PCDHAC2: variants seen among roughly 807,000 people sequenced by gnomAD.
The protein encoded by PCDHAC2 is protocadherin alpha subfamily C, 2.
PCDHAC2 carries 24 observed loss-of-function variants against 63.3 expected under a neutral mutation model. That is an observed-to-expected ratio of 0.38 (90% CI 0.27 to 0.53). PCDHAC2 has a LOEUF of 0.53. Among genes scored for constraint, PCDHAC2 ranks in the 20% least tolerant of loss-of-function variants. The pLI, the probability that PCDHAC2 is intolerant of heterozygous loss-of-function variation, is 0.81. For synonymous variants in PCDHAC2, 569 were observed against 529.4 expected (o/e 1.07, Z -1.03); for missense variants, 1,181 against 1,275.2 (o/e 0.93, Z 1.12).
At chr5:140,980,409 A>C (rs782265012) in intron 2 of PCDHAC2, among the ~76,000 whole-genome samples, 3 of 152,188 alleles carry the variant, frequency 2.0e-5, no homozygotes, top group Non-Finnish European at 4.4e-5. Flanking sequence ...AGGTGGGCAG[A>C]TCATGAGGTC....
intron 3 of PCDHAC2, among the ~76,000 whole-genome samples, chr5:141,000,552 C>T (rs2097946627): frequency 1.3e-5 from 2 of 149,102 alleles, no homozygotes; most frequent in Admixed American, 1.3e-4. Context: ...CTCAAACTCC[C>T]GAGTAGCTGG....
intron 1 of PCDHAC2, among the ~76,000 whole-genome samples, chr5:140,971,478 A>C (rs111781444): frequency 3.5e-4 from 53 of 152,260 alleles, no homozygotes; most frequent in African/African-American, 1.3e-3. Flanking sequence ...AGAGAGTGTC[A>C]CATTGTTACA....
In PCDHAC2 at chr5:140,982,461, G is replaced by A. The variant is rs765899879; in HGVS notation, c.2625-14G>A. The A allele has an allele frequency of 4.7e-5, 76 of 1,614,088 alleles. No individual in the cohort carries two copies. The highest frequency in any genetic ancestry group is 5.8e-5 in the Non-Finnish European group (68 of 1,180,014). On this transcript the variant is annotated splice_polypyrimidine_tract_variant and intron_variant, in intron 2 of 3. Coordinates refer to ENST00000289269, the MANE Select transcript of PCDHAC2 (RefSeq NM_018899.6). ...TATGATCTAACCGTTATCTGGGTCTGTGTGTTTATTCAGCTCTGTGCACCT... is the reference window on the plus strand; with the variant it reads ...TATGATCTAACCGTTATCTGGGTCTATGTGTTTATTCAGCTCTGTGCACCT...
chr5:140,981,625 C>T (rs1554243036), intron 2 of PCDHAC2, among the ~76,000 whole-genome samples: 2 of 152,096 alleles, frequency 1.3e-5, no homozygotes, highest in Non-Finnish European at 2.9e-5. Context: ...TGAGGGTTTT[C>T]TTGGACATTT....
At chr5:141,002,956 G>C (rs782632089) in intron 3 of PCDHAC2, among the ~76,000 whole-genome samples, 6 of 152,230 alleles carry the variant, frequency 3.9e-5, no homozygotes, top group Non-Finnish European at 7.3e-5. Context: ...GCCCCTCTGA[G>C]AGCTTTCCTG....
chr5:140,989,681 A>C (rs1428237884), intron 3 of PCDHAC2, among the ~76,000 whole-genome samples: 1 of 152,250 alleles, frequency 6.6e-6, no homozygotes, highest in Non-Finnish European at 1.5e-5. Flanking sequence ...CAGATTTCAA[A>C]GGAACGTGAA....
chr5:140,982,985 A>C (rs2097019022), intron 3 of PCDHAC2, among the ~76,000 whole-genome samples: 1 of 152,162 alleles, frequency 6.6e-6, no homozygotes, highest in Non-Finnish European at 1.5e-5. Flanking sequence ...AAAGAAAGAG[A>C]AAAAGAAGGA....
chr5:140,968,800 A>G lies in PCDHAC2; in HGVS notation c.2034A>G (p.Val678=). 1 of 1,614,238 alleles carries G rather than the reference A, an allele frequency of 6.2e-7. No homozygotes were observed. The highest frequency in any genetic ancestry group is 8.5e-7 in the Non-Finnish European group (1 of 1,180,052). Residue 678 remains valine (V), a synonymous_variant, in exon 1 of 4, where the codon GTA becomes GTG. Transcript: ENST00000289269. ...TATCAGCCTCTGTGGCCATTACAGT[A>G]GCTGTGGTGGATAGGGTTTCCAAAA... The part of the protein sequence containing the change: ...PSLSASVAIT[V]AVVDRVSKIL...
rs180683275 is a variant in PCDHAC2 at position 140,985,540 on chromosome 5, T to C, written c.2713+2977T>C. 7.6e-3 allele frequency among the ~76,000 whole-genome samples: 1,162 copies of C among 152,268 alleles called. 7 individuals are homozygous for C. The highest frequency in any genetic ancestry group is 0.012 in the Non-Finnish European group (785 of 68,010). On this transcript the variant is annotated intron_variant, in intron 3 of 3. Coordinates refer to ENST00000289269, the MANE Select transcript of PCDHAC2 (RefSeq NM_018899.6). ...TGCCCTTAAAGCTTCACGGTGAAGATGCAGTTGCTTCCAAAAGGCTTCTTT... is the reference window on the plus strand; with the variant it reads ...TGCCCTTAAAGCTTCACGGTGAAGACGCAGTTGCTTCCAAAAGGCTTCTTT...
chr5:141,004,888 G>A lies in PCDHAC2; in HGVS notation c.2714-4739G>A, dbSNP rs555046086. ...TTTCTCATCCCTAAAGTGCTATTGT[G>A]TCAGCTCTGCCAGGGTGTAAGGAAA... On this transcript the variant is annotated intron_variant, in intron 3 of 3. Transcript: ENST00000289269. Among the ~76,000 whole-genome samples the A allele has an allele frequency of 2.0e-5, 3 of 152,250 alleles. No individual in the cohort carries two copies. The East Asian group carries it at 5.8e-4, about 29-fold the overall frequency.
chr5:141,007,470 A>G (rs1395064697), intron 3 of PCDHAC2, among the ~76,000 whole-genome samples: 2 of 151,494 alleles, frequency 1.3e-5, no homozygotes. Context: ...CAGGAGGCTG[A>G]GGCACGAGAA....
At chr5:140,992,035 G>A (rs529236840) in intron 3 of PCDHAC2, among the ~76,000 whole-genome samples, 1 of 151,988 alleles carries the variant, frequency 6.6e-6, no homozygotes, top group Non-Finnish European at 1.5e-5. Flanking sequence ...GTGTGTGTGT[G>A]TGTGTGTGTG....
Position 141,010,515 on chromosome 5 carries a change from CAA to C in PCDHAC2, c.*579_*580del, listed in dbSNP as rs1554262971. ...ACCAGACTTTCTAAATCTTACAACTCAAGAGGTGGCAGCCACCCTCTAGGAGA... is the reference window on the plus strand; with the variant it reads ...ACCAGACTTTCTAAATCTTACAACTCGAGGTGGCAGCCACCCTCTAGGAGA... On this transcript the variant is annotated 3_prime_UTR_variant, in exon 4 of 4. Transcript: ENST00000289269. 4.1e-6 allele frequency: 2 copies of C among 483,800 alleles called. No individual in the cohort carries two copies. Among genetic ancestry groups the C allele is most frequent in the African/African-American group, 2.0e-5 (1 of 51,026 alleles). 30.0% of individuals were successfully genotyped at this position (483,800 alleles called of 1,614,324 possible).
intron 3 of PCDHAC2, among the ~76,000 whole-genome samples, chr5:141,000,877 C>T (rs2097970762): frequency 6.6e-6 from 1 of 151,952 alleles, no homozygotes; most frequent in Non-Finnish European, 1.5e-5. Context: ...CATTGTACTC[C>T]AACCTGGGCA....
chr5:140,966,916 G>A lies in PCDHAC2; in HGVS notation c.150G>A (p.Glu50=), dbSNP rs1554228883. Residue 50 remains glutamate (E), a synonymous_variant, in exon 1 of 4, where the codon GAG becomes GAA. Coordinates refer to ENST00000289269, the MANE Select transcript of PCDHAC2 (RefSeq NM_018899.6). ...AASQLRYSVP[E]EQAPGALVGN... Reference sequence around the variant, plus strand: ...CCCAGCTGCGATACTCTGTGCCAGAGGAGCAGGCACCCGGCGCGCTCGTGG... The same window carrying A: ...CCCAGCTGCGATACTCTGTGCCAGAAGAGCAGGCACCCGGCGCGCTCGTGG... 13 of 1,602,486 alleles carry A rather than the reference G, an allele frequency of 8.1e-6. No individual in the cohort carries two copies. In the South Asian group the frequency reaches 1.4e-4, roughly 18 times the overall value.
At chr5:140,978,319 A>G (rs1294780698) in intron 1 of PCDHAC2, among the ~76,000 whole-genome samples, 2 of 152,216 alleles carry the variant, frequency 1.3e-5, no homozygotes, top group Admixed American at 1.3e-4. Context: ...AGCAGGAACA[A>G]GTACAAGTTT....
chr5:141,000,389 C>CTA (rs2097911342), intron 3 of PCDHAC2, among the ~76,000 whole-genome samples: 14 of 62,576 alleles, frequency 2.2e-4, no homozygotes, highest in South Asian at 6.5e-4. Context: ...CTCTCTCTCT[C>CTA]TCTCTCTATA....
intron 3 of PCDHAC2, among the ~76,000 whole-genome samples, chr5:141,000,415 A>ATTT (rs1563651650): frequency 1.1e-5 from 1 of 87,398 alleles, no homozygotes; most frequent in South Asian, 4.0e-4. Flanking sequence ...ATATATATAT[A>ATTT]TATATATTTT....
Position 140,967,059 on chromosome 5 carries a change from C to T in PCDHAC2, c.293C>T (p.Ala98Val). 6.2e-7 allele frequency: 1 copy of T among 1,612,750 alleles called. No homozygotes were observed. Among genetic ancestry groups the T allele is most frequent in the Non-Finnish European group, 8.5e-7 (1 of 1,179,654 alleles). The change falls in exon 1 of 4, where the codon GCG becomes GTG. Residue 98 changes from alanine to valine, a missense_variant. Around this residue, in one of 3 missense-constraint regions of PCDHAC2, gnomAD observed 210 missense variants for 184.9 expected, o/e 1.14. Transcript: ENST00000289269. ...RYLELDLTSG[A>V]LFVNERIDRE... Reference sequence around the variant, plus strand: ...CTGGAGCTGGACCTGACGAGTGGAGCGCTCTTCGTCAACGAGCGCATTGAT... The same window carrying T: ...CTGGAGCTGGACCTGACGAGTGGAGTGCTCTTCGTCAACGAGCGCATTGAT...
Sources: gnomAD v4.1 joint callset for allele counts (sites outside exome capture counted in the v4.1 genomes callset) on GRCh38, gnomAD v4.1.1 for gene constraint, gnomAD v4.1.1 regional missense constraint, MANE v1.5 for transcripts, NCBI Gene and HGNC (gene_info 2026-07-23, HGNC 2026-07-21) for gene names.